The following CBLB variants were observed in gnomAD, a reference collection of about 807,000 sequenced individuals.
The protein encoded by CBLB is E3 ubiquitin-protein ligase CBL-B.
Under a neutral mutation model 104.9 loss-of-function variants are expected in CBLB, and 31 were observed. That is an observed-to-expected ratio of 0.30 (90% CI 0.22 to 0.40). CBLB has a LOEUF of 0.40. Ranked by LOEUF, CBLB falls within the 10% of genes least tolerant of loss-of-function variation. The pLI, the probability that CBLB is intolerant of heterozygous loss-of-function variation, is 1.00. For synonymous variants in CBLB, 440 were observed against 422.6 expected (o/e 1.04, Z -0.51); for missense variants, 1,062 against 1,214.6 (o/e 0.87, Z 1.87).
At chr3:105,713,474 T>C (rs1017983980) in intron 10 of CBLB, among the ~76,000 whole-genome samples, 1 of 152,004 alleles carries the variant, frequency 6.6e-6, no homozygotes, top group Non-Finnish European at 1.5e-5. Flanking sequence ...GAATAAAGCA[T>C]AGCCTGTGTC....
chr3:105,746,930 G>A (rs2076155849), intron 5 of CBLB, among the ~76,000 whole-genome samples: 1 of 152,180 alleles, frequency 6.6e-6, no homozygotes, highest in Non-Finnish European at 1.5e-5. Flanking sequence ...TGTGTAAAAG[G>A]CTAGTGTTAA....
intron 3 of CBLB, among the ~76,000 whole-genome samples, chr3:105,815,730 A>G (rs1157671370): frequency 6.6e-6 from 1 of 152,212 alleles, no homozygotes; most frequent in Admixed American, 6.5e-5. Flanking sequence ...TCATTCTACT[A>G]TAAAGACACA....
At chr3:105,735,099 C>T (rs544343693) in intron 8 of CBLB, among the ~76,000 whole-genome samples, 16 of 152,196 alleles carry the variant, frequency 1.1e-4, no homozygotes, top group South Asian at 6.2e-4. Context: ...GTGCCTGGCA[C>T]GGAGTAGGAT....
chr3:105,722,863 A>G (rs3772526), intron 9 of CBLB, among the ~76,000 whole-genome samples: 38,579 of 152,060 alleles, frequency 0.25, 5,120 homozygotes, highest in Non-Finnish European at 0.28. Flanking sequence ...CTGAATTTAG[A>G]TTTTTCTCTA....
At position 105,657,374 on chromosome 3, in the gene CBLB, A is replaced by G. The variant is rs1006794748; in HGVS notation, c.*1596T>C. On this transcript the variant is annotated 3_prime_UTR_variant, in exon 19 of 19. Transcript: ENST00000394030. ...ATATGCACAAACCCACAATTAGTCCATATTTAGAAAACTTTCTGTGGGTTC... is the reference window on the plus strand; with the variant it reads ...ATATGCACAAACCCACAATTAGTCCGTATTTAGAAAACTTTCTGTGGGTTC... 1 of 214,618 alleles carries G rather than the reference A, an allele frequency of 4.7e-6. No homozygotes were observed. Among genetic ancestry groups the G allele is most frequent in the South Asian group, 1.9e-4 (1 of 5,366 alleles). 13.3% of individuals were successfully genotyped at this position (214,618 alleles called of 1,614,324 possible). A position where few individuals can be genotyped will look rare whatever the true frequency, so the allele number is the denominator to read the frequency against.
In CBLB at chr3:105,676,451, T is replaced by C. The variant is rs543572559; in HGVS notation, c.2569+1980A>G. Among the ~76,000 whole-genome samples the C allele has an allele frequency of 7.2e-5, 11 of 152,300 alleles. No homozygotes were observed. The East Asian group carries it at 2.1e-3, about 29-fold the overall frequency. On this transcript the variant is annotated intron_variant, in intron 17 of 18. Coordinates refer to ENST00000394030, the MANE Select transcript of CBLB (RefSeq NM_170662.5). ...TTATAGCTCTTGGAAAGCTTGACTT[T>C]ATTTGTCAGAAAAGCCACATCATCA...
intron 3 of CBLB, among the ~76,000 whole-genome samples, chr3:105,821,229 C>A (rs2085798326): frequency 1.3e-5 from 2 of 151,364 alleles, no homozygotes. Flanking sequence ...TTCTACAATC[C>A]TGGTCCTTTA....
At chr3:105,740,918 C>T (rs1264947496) in intron 6 of CBLB, among the ~76,000 whole-genome samples, 3 of 151,810 alleles carry the variant, frequency 2.0e-5, no homozygotes, top group African/African-American at 4.8e-5. Flanking sequence ...CATCAGGATG[C>T]GGTGTATGGA....
chr3:105,762,940 C>A (rs768751547), intron 4 of CBLB, among the ~76,000 whole-genome samples: 2 of 152,206 alleles, frequency 1.3e-5, no homozygotes, highest in African/African-American at 2.4e-5. Flanking sequence ...CTGTACCCTG[C>A]GAAGCCACGG....
rs1464431641 is a variant in CBLB, at chr3:105,681,764, C to G, written c.2256G>C (p.Glu752Asp). Reference protein sequence around the residue: ...MLNGTHGPSSEKKSNIPDLSI... With the variant: ...MLNGTHGPSSDKKSNIPDLSI... ...TTAAGTCAGGGATGTTTGATTTCTT[C>G]TCTGAAGATGGACCATGTGTTCCAT... Residue 752 changes from glutamate to aspartate, a missense_variant, in exon 15 of 19, where the codon GAG (glutamate) becomes GAC (aspartate). Physicochemically the swap from Glu to Asp is conservative, Grantham distance 45. Transcript: ENST00000394030. 1 of 1,611,680 alleles carries G rather than the reference C, an allele frequency of 6.2e-7. No homozygotes were observed. The highest frequency in any genetic ancestry group is 1.3e-5 in the African/African-American group (1 of 74,876).
At chr3:105,778,100 T>TGA (rs970535317) in intron 3 of CBLB, among the ~76,000 whole-genome samples, 50 of 151,250 alleles carry the variant, frequency 3.3e-4, no homozygotes, top group African/African-American at 5.6e-4. Context: ...CCTGTATATA[T>TGA]GAGAGAGAGA....
At chr3:105,754,712 A>G (rs1227564198) in intron 4 of CBLB, among the ~76,000 whole-genome samples, 1 of 152,234 alleles carries the variant, frequency 6.6e-6, no homozygotes, top group African/African-American at 2.4e-5. Context: ...CAATCTACAA[A>G]GAATAGAATA....
intron 3 of CBLB, among the ~76,000 whole-genome samples, chr3:105,796,931 G>A (rs911333301): frequency 1.3e-5 from 2 of 152,170 alleles, no homozygotes; most frequent in African/African-American, 4.8e-5. Context: ...AATAACAGGT[G>A]CTGGGAAGGG....
intron 13 of CBLB, among the ~76,000 whole-genome samples, chr3:105,686,905 A>C (rs1006573485): frequency 6.6e-6 from 1 of 152,104 alleles, no homozygotes; most frequent in African/African-American, 2.4e-5. Context: ...CCTTAATAAT[A>C]ATCTATTATT....
At chr3:105,700,821 T>C (rs977647045) in intron 12 of CBLB, among the ~76,000 whole-genome samples, 40 of 152,244 alleles carry the variant, frequency 2.6e-4, no homozygotes, top group Admixed American at 1.0e-3. Flanking sequence ...GGTTAAATAC[T>C]GTCATACAAA....
chr3:105,806,161 G>T (rs1433650396), intron 3 of CBLB, among the ~76,000 whole-genome samples: 2 of 152,024 alleles, frequency 1.3e-5, no homozygotes, highest in Non-Finnish European at 2.9e-5. Flanking sequence ...TTTTGCTCAA[G>T]AAAGAACAAT....
At chr3:105,683,765 C>T (rs1370861651) in intron 14 of CBLB, among the ~76,000 whole-genome samples, 1 of 152,160 alleles carries the variant, frequency 6.6e-6, no homozygotes, top group Non-Finnish European at 1.5e-5. Flanking sequence ...TCTTTGTCTT[C>T]TCAATGATAT....
intron 10 of CBLB, among the ~76,000 whole-genome samples, chr3:105,711,366 G>A (rs35903551): frequency 0.56 from 84,681 of 151,750 alleles, 24,496 homozygotes; most frequent in Middle Eastern, 0.68. Context: ...TGATAAAATA[G>A]TCTAAGCATA....
intron 3 of CBLB, among the ~76,000 whole-genome samples, chr3:105,780,538 T>C (rs2080066767): frequency 6.6e-6 from 1 of 152,180 alleles, no homozygotes; most frequent in African/African-American, 2.4e-5. Flanking sequence ...ATATCAGTTC[T>C]TTCACTTATA....
Sources: gnomAD v4.1 joint callset for allele counts (sites outside exome capture counted in the v4.1 genomes callset) on GRCh38, gnomAD v4.1.1 for gene constraint, MANE v1.5 for transcripts, NCBI Gene and HGNC (gene_info 2026-07-23, HGNC 2026-07-21) for gene names.